PCYT1A: variants seen among roughly 807,000 people sequenced by gnomAD.
PCYT1A encodes the protein phosphate cytidylyltransferase 1A, choline, also known as choline-phosphate cytidylyltransferase A.
In PCYT1A, 25 loss-of-function variants were observed where a neutral mutation model predicts 43.7. The ratio of observed to expected loss-of-function variants is 0.57; its 90% CI spans 0.42 to 0.80. The LOEUF is 0.80. Ranked by LOEUF, PCYT1A falls within the 30% of genes least tolerant of loss-of-function variation. The pLI, the probability that PCYT1A is intolerant of heterozygous loss-of-function variation, is 0.00. For missense variants in PCYT1A, 421 were observed against 474.2 expected (o/e 0.89, Z 1.04); for synonymous variants, 172 against 170.7 (o/e 1.01, Z -0.06).
At chr3:196,243,645 T>C (rs1372830108) in intron 5 of PCYT1A, among the ~76,000 whole-genome samples, 4 of 152,232 alleles carry the variant, frequency 2.6e-5, no homozygotes, top group East Asian at 1.9e-4. Context: ...CTGATTCTCC[T>C]GCCTCAGCCT....
Position 196,273,668 on chromosome 3 carries a change from C to T in PCYT1A, c.-10-3127G>A, listed in dbSNP as rs923815559. Among the ~76,000 whole-genome samples the T allele has an allele frequency of 2.0e-5, 3 of 152,158 alleles. No individual in the cohort carries two copies. The highest frequency in any genetic ancestry group is 4.8e-5 in the African/African-American group (2 of 41,428). ...AGACCTGGAGTGGGAAGCTCCTATCCGCAGGCAGGTCATCCCATCAAGTAT... is the reference window on the plus strand; with the variant it reads ...AGACCTGGAGTGGGAAGCTCCTATCTGCAGGCAGGTCATCCCATCAAGTAT... On this transcript the variant is annotated intron_variant, in intron 1 of 8. Transcript: ENST00000431016. This position sits in a 1 kb window ranked among gnomAD's most constrained non-coding sequence, Gnocchi z 4.1.
intron 1 of PCYT1A, among the ~76,000 whole-genome samples, chr3:196,280,106 C>T (rs1725714876): frequency 6.6e-6 from 1 of 152,168 alleles, no homozygotes; most frequent in African/African-American, 2.4e-5. Flanking sequence ...GCTGGGATTA[C>T]AGGCGTGAGC....
In PCYT1A at chr3:196,282,775, C is replaced by T. The variant is rs551038269; in HGVS notation, c.-11+4840G>A. Among the ~76,000 whole-genome samples the T allele has an allele frequency of 1.7e-4, 26 of 152,076 alleles. No individual in the cohort carries two copies. The South Asian group carries it at 5.2e-3, about 30-fold the overall frequency. On this transcript the variant is annotated intron_variant, in intron 1 of 8. Transcript: ENST00000431016. The surrounding 1 kb of genome is among the most constrained non-coding windows in gnomAD (Gnocchi z 4.3). ...GTTCTACGGTCAAAAAATAAAGAAA[C>T]ATAATCACATTTAGGGTAATTTTCT... is the stretch of plus-strand genomic sequence containing the variant.
At chr3:196,286,448 T>C (rs1223773757) in intron 1 of PCYT1A, among the ~76,000 whole-genome samples, 2 of 152,200 alleles carry the variant, frequency 1.3e-5, no homozygotes, top group African/African-American at 2.4e-5. Flanking sequence ...TCCGGTCCAA[T>C]GTTTTTCAAA....
chr3:196,238,710 A>G lies in PCYT1A; in HGVS notation c.1082T>C (p.Ile361Thr). The part of the protein sequence containing the change: ...LSRHKAAAYD[I>T]SEDEED ...ACATTAGTCTTCTTCATCCTCACTG[A>G]TATCATAGGCTGCAGCCTTGTGCCT... Residue 361 changes from isoleucine (I) to threonine (T), a missense_variant, in exon 9 of 9, where the codon ATC (isoleucine) becomes ACC (threonine). This residue lies in a region of PCYT1A where 108 missense variants were observed against 85.7 expected (regional missense o/e 1.26). Transcript: ENST00000431016. 1.9e-6 allele frequency: 3 copies of G among 1,569,602 alleles called. No homozygotes were observed. Among genetic ancestry groups the G allele is most frequent in the Non-Finnish European group, 2.6e-6 (3 of 1,159,090 alleles).
chr3:196,276,119 A>G (rs1402923225), intron 1 of PCYT1A, among the ~76,000 whole-genome samples: 1 of 151,820 alleles, frequency 6.6e-6, no homozygotes, highest in African/African-American at 2.4e-5. Context: ...AAACCAAAAC[A>G]AAATAAATAA....
At chr3:196,264,979 C>T (rs1340228219) in intron 2 of PCYT1A, among the ~76,000 whole-genome samples, 1 of 152,148 alleles carries the variant, frequency 6.6e-6, no homozygotes, top group African/African-American at 2.4e-5. Flanking sequence ...ATTTCCCCCA[C>T]AGTTTAGATA....
chr3:196,239,420 T>G lies in PCYT1A; in HGVS notation c.897+127A>C. On this transcript the variant is annotated intron_variant, in intron 8 of 8. Coordinates refer to ENST00000431016, the MANE Select transcript of PCYT1A (RefSeq NM_001312673.2). Reference sequence around the variant, plus strand: ...AACCTTGCTGGGGACAGTTGAAAGATAGTTCTGCCCAGATAAGGGGATAGA... The same window carrying G: ...AACCTTGCTGGGGACAGTTGAAAGAGAGTTCTGCCCAGATAAGGGGATAGA... 3 of 578,900 alleles carry G rather than the reference T, an allele frequency of 5.2e-6. No individual in the cohort carries two copies. In the Admixed American group the frequency reaches 9.4e-5, roughly 18 times the overall value. 35.9% of individuals were successfully genotyped at this position (578,900 alleles called of 1,614,324 possible).
At chr3:196,274,561 CTG>C (rs1160065852) in intron 1 of PCYT1A, among the ~76,000 whole-genome samples, 1 of 152,220 alleles carries the variant, frequency 6.6e-6, no homozygotes, top group Non-Finnish European at 1.5e-5. Context: ...CTATGATAAA[CTG>C]TCATCTCTGC....
chr3:196,276,935 CAA>C, intron 1 of PCYT1A, among the ~76,000 whole-genome samples: 1 of 136,396 alleles, frequency 7.3e-6, no homozygotes, highest in African/African-American at 2.7e-5. Context: ...GACCCTTTCT[CAA>C]AAAAAAAAAA....
intron 2 of PCYT1A, among the ~76,000 whole-genome samples, chr3:196,260,558 C>T (rs1725078653): frequency 6.6e-6 from 1 of 152,136 alleles, no homozygotes; most frequent in South Asian, 2.1e-4. Flanking sequence ...AAAAAAACAA[C>T]TATGTCAGGC....
rs1724248242 is a variant in PCYT1A, at chr3:196,238,623, A to G, written c.*65T>C. 24 of 1,122,822 alleles carry G rather than the reference A, an allele frequency of 2.1e-5. No individual in the cohort carries two copies. Among genetic ancestry groups the G allele is most frequent in the Admixed American group, 2.0e-4 (7 of 35,218 alleles). 69.6% of individuals were successfully genotyped at this position (1,122,822 alleles called of 1,614,324 possible). A position where few individuals can be genotyped will look rare whatever the true frequency, so the allele number is the denominator to read the frequency against. ...TTTAGTGTTGGGGTCACAATTTGGAATTCAACAGAGAGCTTCTGAAGGTAA... is the reference window on the plus strand; with the variant it reads ...TTTAGTGTTGGGGTCACAATTTGGAGTTCAACAGAGAGCTTCTGAAGGTAA... On this transcript the variant is annotated 3_prime_UTR_variant, in exon 9 of 9. Transcript: ENST00000431016.
rs763163021 is a variant in PCYT1A, at chr3:196,238,677, G to A, written c.*11C>T. The A allele has an allele frequency of 3.4e-6, 5 of 1,487,132 alleles. No individual in the cohort carries two copies. The highest frequency in any genetic ancestry group is 2.6e-5 in the East Asian group (1 of 38,202). The allele number at this position is 1,487,132 out of a possible 1,614,324, so 92.1% of individuals were successfully genotyped here. On this transcript the variant is annotated 3_prime_UTR_variant, in exon 9 of 9. Coordinates refer to ENST00000431016, the MANE Select transcript of PCYT1A (RefSeq NM_001312673.2). ...GACAGAAAGGGAGGACAGGAAAGGA[G>A]GGAGGAAACATTAGTCTTCTTCATC...
In PCYT1A at chr3:196,242,583, A is replaced by C. The variant is rs1724392247; in HGVS notation, c.544T>G (p.Tyr182Asp). ...PYSSAGSDDVYKHIKEAGMFA... is the reference protein window; with the variant it reads ...PYSSAGSDDVDKHIKEAGMFA... ...TCACCTGCCTCCTTGATGTGCTTAT[A>C]AACATCATCACTGCCAGCAGATGAA... Residue 182 changes from tyrosine (Y) to aspartate (D), a missense_variant, in exon 6 of 9, where the codon TAT becomes GAT. Physicochemically the swap from Tyr to Asp is radical, Grantham distance 160. Coordinates refer to ENST00000431016, the MANE Select transcript of PCYT1A (RefSeq NM_001312673.2). This position sits in a 1 kb window ranked among gnomAD's most constrained non-coding sequence, Gnocchi z 4.2. 4 of 1,611,156 alleles carry C rather than the reference A, an allele frequency of 2.5e-6. No individual in the cohort carries two copies. Among genetic ancestry groups the C allele is most frequent in the Non-Finnish European group, 3.4e-6 (4 of 1,177,234 alleles).
rs1725629357 is a variant in PCYT1A, at chr3:196,277,686, C to T, written c.-10-7145G>A. On this transcript the variant is annotated intron_variant, in intron 1 of 8. Coordinates refer to ENST00000431016, the MANE Select transcript of PCYT1A (RefSeq NM_001312673.2). The surrounding 1 kb of genome is among the most constrained non-coding windows in gnomAD (Gnocchi z 4.1). Reference sequence around the variant, plus strand: ...AGGAGTTCGCAACCAGCCTGGCCAACATGGTGAAACCCCATCTCTACTAAA... The same window carrying T: ...AGGAGTTCGCAACCAGCCTGGCCAATATGGTGAAACCCCATCTCTACTAAA... Among the ~76,000 whole-genome samples the T allele has an allele frequency of 6.6e-6, 1 of 152,144 alleles. No homozygotes were observed. Among genetic ancestry groups the T allele is most frequent in the African/African-American group, 2.4e-5 (1 of 41,408 alleles).
intron 1 of PCYT1A, among the ~76,000 whole-genome samples, chr3:196,280,578 T>G (rs1024328923): frequency 6.8e-6 from 1 of 147,630 alleles, no homozygotes; most frequent in South Asian, 2.2e-4. Flanking sequence ...TTGTTTTTTT[T>G]TTTTTTTTTT....
chr3:196,254,962 G>A (rs78722688), intron 3 of PCYT1A, among the ~76,000 whole-genome samples: 1,980 of 151,682 alleles, frequency 0.013, 53 homozygotes, highest in African/African-American at 0.046. Flanking sequence ...AAGATTCCTA[G>A]AGCTGACCTT....
At position 196,277,238 on chromosome 3, in the gene PCYT1A, T is replaced by C. The variant is rs756700777; in HGVS notation, c.-10-6697A>G. On this transcript the variant is annotated intron_variant, in intron 1 of 8. Coordinates refer to ENST00000431016, the MANE Select transcript of PCYT1A (RefSeq NM_001312673.2). This position sits in a 1 kb window ranked among gnomAD's most constrained non-coding sequence, Gnocchi z 4.1. ...AGAGTGAGACTCCATTTCAAAAAAA[T>C]ATATATATTTTTTTCTTTACCTGCT... 8.4e-4 allele frequency among the ~76,000 whole-genome samples: 128 copies of C among 151,842 alleles called. 1 individual carries two copies. Among genetic ancestry groups the C allele is most frequent in the Non-Finnish European group, 1.6e-3 (110 of 67,944 alleles).
At position 196,242,533 on chromosome 3, in the gene PCYT1A, C is replaced by A; in HGVS notation, c.565+29G>T. 1 of 1,453,408 alleles carries A rather than the reference C, an allele frequency of 6.9e-7. No individual in the cohort carries two copies. Among genetic ancestry groups the A allele is most frequent in the Non-Finnish European group, 9.7e-7 (1 of 1,033,462 alleles). The allele number at this position is 1,453,408 out of a possible 1,614,324, so 90.0% of individuals were successfully genotyped here. ...AACATCTGCAGCTGCCCTGAGATCCCCTACAGTGAGGAAGCACAGCTCACT... is the reference window on the plus strand; with the variant it reads ...AACATCTGCAGCTGCCCTGAGATCCACTACAGTGAGGAAGCACAGCTCACT... On this transcript the variant is annotated intron_variant, in intron 6 of 8. Coordinates refer to ENST00000431016, the MANE Select transcript of PCYT1A (RefSeq NM_001312673.2). The surrounding 1 kb of genome is among the most constrained non-coding windows in gnomAD (Gnocchi z 4.2).
Sources: gnomAD v4.1 joint callset for allele counts (sites outside exome capture counted in the v4.1 genomes callset) on GRCh38, gnomAD v4.1.1 for gene constraint, gnomAD v4.1.1 regional missense constraint, Gnocchi (gnomAD v3.1) non-coding constraint, MANE v1.5 for transcripts, NCBI Gene and HGNC (gene_info 2026-07-23, HGNC 2026-07-21) for gene names.